LAMA2: variants seen among roughly 807,000 people sequenced by gnomAD.
LAMA2 encodes laminin subunit alpha-2.
LAMA2 carries 269 observed loss-of-function variants against 364.8 expected under a neutral mutation model. The observed-to-expected ratio is 0.74, with a 90% CI of 0.67 to 0.82. The LOEUF is 0.82. LAMA2 is among the 40% of genes least tolerant of loss of function. The pLI, the probability that LAMA2 is intolerant of heterozygous loss-of-function variation, is 0.00. For synonymous variants in LAMA2, 1,379 were observed against 1,370.6 expected (o/e 1.01, Z -0.14); for missense variants, 3,807 against 3,873.2 (o/e 0.98, Z 0.45).
Position 129,197,792 on chromosome 6 carries a change from G to A in LAMA2, c.1782+4939G>A, listed in dbSNP as rs192261097. Among the ~76,000 whole-genome samples the A allele has an allele frequency of 1.9e-3, 282 of 152,246 alleles. 1 individual carries two copies. Among genetic ancestry groups the A allele is most frequent in the African/African-American group, 6.4e-3 (268 of 41,554 alleles). On this transcript the variant is annotated intron_variant, in intron 12 of 64. Transcript: ENST00000421865. The stretch of plus-strand genomic sequence containing the variant: ...ATCAAGGACTCATTTATTTCCCATA[G>A]CTATGATAGAATCTGCTGTGTAAAA...
intron 10 of LAMA2, 40 bp downstream of exon 10, chr6:129,177,906 G>A (rs1190048862): frequency 2.5e-6 from 4 of 1,593,952 alleles, no homozygotes; most frequent in Non-Finnish European, 3.4e-6. Flanking sequence ...TGTCAAGACA[G>A]AAGGTTATTT....
chr6:129,054,929 G>C (rs1247267631), intron 2 of LAMA2, among the ~76,000 whole-genome samples: 1 of 150,168 alleles, frequency 6.7e-6, no homozygotes, highest in Non-Finnish European at 1.5e-5. Context: ...TGCATTGTCA[G>C]ATTGAGTCCA....
Position 129,315,790 on chromosome 6 carries a change from A to G in LAMA2, c.3764A>G (p.Tyr1255Cys), listed in dbSNP as rs1192979788. 6.2e-7 allele frequency: 1 copy of G among 1,614,136 alleles called. No individual in the cohort carries two copies. Among genetic ancestry groups the G allele is most frequent in the Non-Finnish European group, 8.5e-7 (1 of 1,180,016 alleles). Reference protein sequence around the residue: ...KLMAYGGKLKYAIYFEAREET... With the variant: ...KLMAYGGKLKCAIYFEAREET... ...ATGGCCTATGGGGGCAAACTCAAGT[A>G]TGCAATCTATTTCGAGGCTCGGGAA... The change falls in exon 26 of 65, where the codon TAT becomes TGT. Residue 1255 changes from tyrosine to cysteine, a missense_variant. This residue lies in a region of LAMA2 where 3,333 missense variants were observed against 3,345.7 expected (regional missense o/e 1.00). Transcript: ENST00000421865.
Position 128,980,647 on chromosome 6 carries a change from A to G in LAMA2, c.113-69271A>G, listed in dbSNP as rs77601246. Among the ~76,000 whole-genome samples, 1,111 of 152,294 alleles carry G rather than the reference A, an allele frequency of 7.3e-3. 15 individuals are homozygous for G. The highest frequency in any genetic ancestry group is 0.025 in the African/African-American group (1,053 of 41,556). On this transcript the variant is annotated intron_variant, in intron 1 of 64. Coordinates refer to ENST00000421865, the MANE Select transcript of LAMA2 (RefSeq NM_000426.4). The stretch of plus-strand genomic sequence containing the variant: ...AATAAGCTTATTTTTCCATGGTGTC[A>G]GAGAGATAATGAGACTTTCATATAA...
Position 129,516,424 on chromosome 6 carries a change from T to C in LAMA2, c.*77T>C, listed in dbSNP as rs1279633660. 1.4e-5 allele frequency: 19 copies of C among 1,402,808 alleles called. No homozygotes were observed. The East Asian group carries it at 4.7e-4, about 35-fold the overall frequency. 86.9% of individuals were successfully genotyped at this position (1,402,808 alleles called of 1,614,324 possible). On this transcript the variant is annotated 3_prime_UTR_variant, in exon 65 of 65. Coordinates refer to ENST00000421865, the MANE Select transcript of LAMA2 (RefSeq NM_000426.4). ...AAAACAAACAAATATATTTTACCTA[T>C]ATATGTTAATTAAACTAATTTGTGC...
At chr6:129,051,474 G>A (rs962920838) in intron 2 of LAMA2, among the ~76,000 whole-genome samples, 3 of 149,578 alleles carry the variant, frequency 2.0e-5, no homozygotes, top group Non-Finnish European at 4.4e-5. Flanking sequence ...ACCATGCCTG[G>A]CTATTTTTTG....
intron 4 of LAMA2, among the ~76,000 whole-genome samples, chr6:129,127,260 GC>G (rs1777173769): frequency 6.6e-6 from 1 of 152,128 alleles, no homozygotes; most frequent in Non-Finnish European, 1.5e-5. Context: ...ACAGCCCTCA[GC>G]CTCTGTAACT....
Position 129,503,271 on chromosome 6 carries a change from G to C in LAMA2, c.8538G>C (p.Gln2846His). ...TMIPTKINDG[Q>H]WHKIKIMRSK... is the part of the protein sequence containing the mutation. ...TCCCCACCAAAATCAATGATGGCCAGTGGCACAAGGTAATAGTCCCCTGGA... is the reference window on the plus strand; with the variant it reads ...TCCCCACCAAAATCAATGATGGCCACTGGCACAAGGTAATAGTCCCCTGGA... The change falls in exon 60 of 65, where the codon CAG becomes CAC. Residue 2846 changes from glutamine (Q) to histidine (H), a missense_variant. By Grantham distance (24) the Gln-to-His change is conservative. Around this residue, in one of 3 missense-constraint regions of LAMA2, gnomAD observed 3,333 missense variants for 3,345.7 expected, o/e 1.00. Transcript: ENST00000421865. 1 of 1,613,586 alleles carries C rather than the reference G, an allele frequency of 6.2e-7. No individual in the cohort carries two copies. Among genetic ancestry groups the C allele is most frequent in the Non-Finnish European group, 8.5e-7 (1 of 1,179,812 alleles).
intron 4 of LAMA2, among the ~76,000 whole-genome samples, chr6:129,104,923 C>T (rs903207700): frequency 3.3e-5 from 5 of 152,082 alleles, no homozygotes; most frequent in Non-Finnish European, 5.9e-5. Context: ...ATGAGATAAT[C>T]GTAAGGTATC....
intron 30 of LAMA2, 23 bp downstream of exon 30, chr6:129,342,490 T>C (rs1776324257): frequency 6.2e-7 from 1 of 1,609,592 alleles, no homozygotes; most frequent in South Asian, 1.1e-5. Flanking sequence ...AATATAACCA[T>C]ATTTCCCAAT....
chr6:129,451,389 G>T (rs1782668236), intron 45 of LAMA2, among the ~76,000 whole-genome samples: 1 of 152,170 alleles, frequency 6.6e-6, no homozygotes, highest in African/African-American at 2.4e-5. Context: ...CCCAGCAGTT[G>T]GCAGGCTGGC....
At chr6:129,120,867 C>T (rs1776766557) in intron 4 of LAMA2, among the ~76,000 whole-genome samples, 1 of 152,082 alleles carries the variant, frequency 6.6e-6, no homozygotes, top group Non-Finnish European at 1.5e-5. Flanking sequence ...TAGAAGAATC[C>T]AAATGTGTCT....
intron 1 of LAMA2, among the ~76,000 whole-genome samples, chr6:129,037,879 C>G (rs778916936): frequency 6.6e-6 from 1 of 152,060 alleles, no homozygotes; most frequent in Non-Finnish European, 1.5e-5. Context: ...CCGTGTTAGC[C>G]AGGATGGTCT....
rs1329542919 is a variant in LAMA2, at chr6:129,200,306, GTATA to G, written c.1782+7460_1782+7463del. Among the ~76,000 whole-genome samples, 4 of 91,976 alleles carry G rather than the reference GTATA, an allele frequency of 4.3e-5. 1 individual carries two copies. The highest frequency in any genetic ancestry group is 3.8e-4 in the Admixed American group (4 of 10,490). The allele number at this position is 91,976 out of a possible 152,430, so 60.3% of individuals were successfully genotyped here. A position where few individuals can be genotyped will look rare whatever the true frequency, so the allele number is the denominator to read the frequency against. On this transcript the variant is annotated intron_variant, in intron 12 of 64. Coordinates refer to ENST00000421865, the MANE Select transcript of LAMA2 (RefSeq NM_000426.4). ...TATACGTGTACACATATACATGTGT[GTATA>G]TATATACGTGTACACATATACATAT...
intron 1 of LAMA2, among the ~76,000 whole-genome samples, chr6:129,004,864 T>G (rs113124323): frequency 5.2e-4 from 79 of 152,180 alleles, no homozygotes; most frequent in African/African-American, 1.8e-3. Flanking sequence ...ACCTTTTTCA[T>G]AAAACACTTT....
intron 61 of LAMA2, among the ~76,000 whole-genome samples, chr6:129,505,864 A>G (rs1786027559): frequency 6.6e-6 from 1 of 151,944 alleles, no homozygotes; most frequent in African/African-American, 2.4e-5. Flanking sequence ...TTAGATTATG[A>G]GAGACAATGC....
intron 1 of LAMA2, among the ~76,000 whole-genome samples, chr6:128,908,334 A>C (rs1777641560): frequency 6.6e-6 from 1 of 151,018 alleles, no homozygotes; most frequent in Non-Finnish European, 1.5e-5. Flanking sequence ...GTCTATTCAG[A>C]GATTCAACTT....
At chr6:129,138,679 TC>T (rs1777942615) in intron 4 of LAMA2, among the ~76,000 whole-genome samples, 1 of 152,174 alleles carries the variant, frequency 6.6e-6, no homozygotes, top group African/African-American at 2.4e-5. Flanking sequence ...TGAATAAGAT[TC>T]TTTAAATTAC....
intron 40 of LAMA2, among the ~76,000 whole-genome samples, chr6:129,425,246 T>C (rs985987862): frequency 1.3e-5 from 2 of 151,956 alleles, no homozygotes; most frequent in African/African-American, 4.8e-5. Flanking sequence ...GTTTGCATGG[T>C]TTATTTATGC....
Sources: allele counts gnomAD v4.1 joint callset (sites outside exome capture counted in the v4.1 genomes callset), GRCh38; gene constraint gnomAD v4.1.1; regional missense constraint gnomAD v4.1.1; transcripts MANE v1.5; gene names NCBI Gene and HGNC (gene_info 2026-07-23, HGNC 2026-07-21).